ADAMTS17: variants seen among roughly 807,000 people sequenced by gnomAD.
ADAMTS17 encodes ADAM metallopeptidase with thrombospondin type 1 motif 17.
A neutral mutation model predicts 141.5 loss-of-function variants in ADAMTS17; 113 were observed. The ratio of observed to expected loss-of-function variants is 0.80; its 90% CI spans 0.69 to 0.93. The LOEUF (loss-of-function observed/expected upper bound fraction) is 0.93. Among genes scored for constraint, ADAMTS17 ranks in the 40% least tolerant of loss-of-function variants. The pLI is 0.00. For synonymous variants in ADAMTS17, 768 were observed against 630.6 expected (o/e 1.22, Z -3.27); for missense variants, 1,659 against 1,517.9 (o/e 1.09, Z -1.54).
chr15:100,062,775 C>T (rs534796250), intron 15 of ADAMTS17, among the ~76,000 whole-genome samples: 6 of 152,292 alleles, frequency 3.9e-5, no homozygotes, highest in Admixed American at 3.9e-4. Flanking sequence ...GAGATGATGA[C>T]ATGAAAACAG....
At chr15:100,319,733 A>G (rs906164093) in intron 3 of ADAMTS17, among the ~76,000 whole-genome samples, 1 of 151,970 alleles carries the variant, frequency 6.6e-6, no homozygotes, top group Non-Finnish European at 1.5e-5. Context: ...GAAATTCAGA[A>G]GGTGGAATCA....
chr15:100,106,646 C>T (rs908949326), intron 14 of ADAMTS17, among the ~76,000 whole-genome samples: 1 of 152,214 alleles, frequency 6.6e-6, no homozygotes, highest in African/African-American at 2.4e-5. Context: ...GGCAAGAACG[C>T]TGCAGAAGAT....
At chr15:100,335,661 T>C (rs1405670020) in intron 2 of ADAMTS17, among the ~76,000 whole-genome samples, 1 of 151,170 alleles carries the variant, frequency 6.6e-6, no homozygotes, top group East Asian at 1.9e-4. Context: ...GGGAACAGCC[T>C]GCAGGGCAGG....
intron 12 of ADAMTS17, among the ~76,000 whole-genome samples, chr15:100,117,410 GC>G (rs35473995): frequency 0.35 from 53,521 of 151,784 alleles, 10,249 homozygotes; most frequent in African/African-American, 0.5. Flanking sequence ...ACCTTTAAAT[GC>G]CCCCCCAGGT....
At chr15:100,138,049 G>A (rs1473527483) in intron 10 of ADAMTS17, among the ~76,000 whole-genome samples, 1 of 152,226 alleles carries the variant, frequency 6.6e-6, no homozygotes, top group Admixed American at 6.5e-5. Context: ...ACTGAAGTTG[G>A]GAGAAGTCAT....
At chr15:100,255,213 T>C (rs956821398) in intron 6 of ADAMTS17, among the ~76,000 whole-genome samples, 4 of 152,088 alleles carry the variant, frequency 2.6e-5, no homozygotes, top group Non-Finnish European at 4.4e-5. Context: ...TATGCTTCTT[T>C]ATAAGTTTCC....
At position 100,146,217 on chromosome 15, in the gene ADAMTS17, C is replaced by T. The variant is rs8039296; in HGVS notation, c.1473+6395G>A. Among the ~76,000 whole-genome samples, 78 of 152,266 alleles carry T rather than the reference C, an allele frequency of 5.1e-4. 1 individual carries two copies. The highest frequency in any genetic ancestry group is 1.8e-3 in the African/African-American group (73 of 41,548). On this transcript the variant is annotated intron_variant, in intron 10 of 21. Coordinates refer to ENST00000268070, the MANE Select transcript of ADAMTS17 (RefSeq NM_139057.4). ...TCCACCTTGTATATAGTATAAAAAC[C>T]GTATAATAGTATACAGTTATGTGTT...
rs564005928 is a variant in ADAMTS17 at position 100,129,030 on chromosome 15, G to A, written c.1721+2977C>T. The stretch of plus-strand genomic sequence containing the variant: ...ATGGCATTTGCATAGCGTTGATAAC[G>A]TCTTATTCTTGCAAATGTTGCCCTC... On this transcript the variant is annotated intron_variant, in intron 12 of 21. Transcript: ENST00000268070. The A allele has an allele frequency of 4.6e-5, 7 of 152,318 alleles. No individual in the cohort carries two copies. In the South Asian group the frequency reaches 1.0e-3, roughly 23 times the overall value. The allele number at this position is 152,318 out of a possible 1,614,324, so 9.4% of individuals were successfully genotyped here.
intron 14 of ADAMTS17, among the ~76,000 whole-genome samples, chr15:100,099,058 G>A (rs1188649522): frequency 6.6e-6 from 1 of 152,238 alleles, no homozygotes; most frequent in Admixed American, 6.5e-5. Context: ...TGATTCAACA[G>A]CTTCTAGATG....
At chr15:100,124,381 C>T (rs1483002580) in intron 12 of ADAMTS17, among the ~76,000 whole-genome samples, 2 of 152,234 alleles carry the variant, frequency 1.3e-5, no homozygotes, top group Non-Finnish European at 1.5e-5. Context: ...AACAGAAGTT[C>T]GGCCTCACTG....
chr15:100,088,160 T>C (rs1246668083), intron 15 of ADAMTS17, among the ~76,000 whole-genome samples: 3 of 152,154 alleles, frequency 2.0e-5, no homozygotes, highest in Non-Finnish European at 4.4e-5. Flanking sequence ...ACAAAATCAA[T>C]GTACAAAAAT....
intron 13 of ADAMTS17, among the ~76,000 whole-genome samples, chr15:100,112,154 T>C (rs1038208256): frequency 1.3e-5 from 2 of 152,196 alleles, no homozygotes; most frequent in African/African-American, 4.8e-5. Context: ...ATCTGGACTC[T>C]TTAGGGTGAG....
At position 99,974,294 on chromosome 15, in the gene ADAMTS17, G is replaced by C; in HGVS notation, c.*108C>G. On this transcript the variant is annotated 3_prime_UTR_variant, in exon 22 of 22. Transcript: ENST00000268070. Reference sequence around the variant, plus strand: ...GTCCACGCTCATGTTCTATGTAGTTGGATTCTTGTGGCAGCCGGGTGGGGG... The same window carrying C: ...GTCCACGCTCATGTTCTATGTAGTTCGATTCTTGTGGCAGCCGGGTGGGGG... 3 of 1,431,872 alleles carry C rather than the reference G, an allele frequency of 2.1e-6. No homozygotes were observed. Among genetic ancestry groups the C allele is most frequent in the Non-Finnish European group, 2.9e-6 (3 of 1,023,894 alleles). 88.7% of individuals were successfully genotyped at this position (1,431,872 alleles called of 1,614,324 possible). A position where few individuals can be genotyped will look rare whatever the true frequency, so the allele number is the denominator to read the frequency against.
chr15:100,135,159 C>A lies in ADAMTS17; in HGVS notation c.1474-1844G>T, dbSNP rs901400554. On this transcript the variant is annotated intron_variant, in intron 10 of 21. Coordinates refer to ENST00000268070, the MANE Select transcript of ADAMTS17 (RefSeq NM_139057.4). ...ATGGATTTTATAGACAGGGCTTTCTCATGAAACTTTTCTAACCATCAAAGA... is the reference window on the plus strand; with the variant it reads ...ATGGATTTTATAGACAGGGCTTTCTAATGAAACTTTTCTAACCATCAAAGA... Among the ~76,000 whole-genome samples the A allele has an allele frequency of 2.6e-5, 4 of 152,010 alleles. No homozygotes were observed. In the East Asian group the frequency reaches 7.7e-4, roughly 29 times the overall value.
At chr15:100,245,529 C>A (rs550560401) in intron 7 of ADAMTS17, among the ~76,000 whole-genome samples, 6 of 152,308 alleles carry the variant, frequency 3.9e-5, no homozygotes, top group African/African-American at 1.4e-4. Flanking sequence ...GAAGCCCATC[C>A]CATGCAAAAA....
rs140501102 is a variant in ADAMTS17 at position 100,050,666 on chromosome 15, G to A, written c.2455+906C>T. On this transcript the variant is annotated intron_variant, in intron 17 of 21. Coordinates refer to ENST00000268070, the MANE Select transcript of ADAMTS17 (RefSeq NM_139057.4). ...TGGACATCTAACAAAAGTTATCCAA[G>A]CAGTCAATAGGTGCTCAGGACTAGG... is the stretch of plus-strand genomic sequence containing the variant. Among the ~76,000 whole-genome samples, 15 of 152,302 alleles carry A rather than the reference G, an allele frequency of 9.8e-5. No homozygotes were observed. The East Asian group carries it at 1.9e-3, about 20-fold the overall frequency.
intron 7 of ADAMTS17, among the ~76,000 whole-genome samples, chr15:100,200,167 G>A (rs778767249): frequency 2.0e-5 from 3 of 152,186 alleles, no homozygotes; most frequent in African/African-American, 7.2e-5. Flanking sequence ...CCCTAACACA[G>A]GAAACCTGAA....
At chr15:100,019,387 G>A (rs925416054) in intron 18 of ADAMTS17, among the ~76,000 whole-genome samples, 3 of 152,152 alleles carry the variant, frequency 2.0e-5, no homozygotes, top group Non-Finnish European at 4.4e-5. Flanking sequence ...TGAATACAGC[G>A]ATTGTAAAGA....
At chr15:100,012,155 A>C (rs182560397) in intron 18 of ADAMTS17, among the ~76,000 whole-genome samples, 68 of 152,282 alleles carry the variant, frequency 4.5e-4, no homozygotes, top group African/African-American at 1.6e-3. Context: ...GATGCTGAGC[A>C]TTGTTTTCAT....
Sources: allele counts gnomAD v4.1 joint callset (sites outside exome capture counted in the v4.1 genomes callset), GRCh38; gene constraint gnomAD v4.1.1; transcripts MANE v1.5; gene names NCBI Gene and HGNC (gene_info 2026-07-23, HGNC 2026-07-21).